The following SPOCK2 variants were observed in gnomAD, a reference collection of about 807,000 sequenced individuals.
The protein encoded by SPOCK2 is testican-2.
Under a neutral mutation model 60.1 loss-of-function variants are expected in SPOCK2, and 39 were observed. The ratio of observed to expected loss-of-function variants is 0.65; its 90% CI spans 0.50 to 0.85. The LOEUF (loss-of-function observed/expected upper bound fraction) is 0.85, where lower values mean the gene tolerates loss of function less well. Among genes scored for constraint, SPOCK2 ranks in the 40% least tolerant of loss-of-function variants. The probability of loss-of-function intolerance (pLI) is 0.00; values close to 1 mark genes in which losing one functional copy is unlikely to be tolerated. For synonymous variants in SPOCK2, 217 were observed against 231.5 expected (o/e 0.94, Z 0.57); for missense variants, 523 against 567.4 (o/e 0.92, Z 0.80).
At chr10:72,084,881 C>G (rs1164375363) in intron 1 of SPOCK2, among the ~76,000 whole-genome samples, 1 of 152,168 alleles carries the variant, frequency 6.6e-6, no homozygotes, top group Non-Finnish European at 1.5e-5. Context: ...TGTGAGTGCT[C>G]ACTGCATCAG....
chr10:72,086,375 G>A, intron 1 of SPOCK2: 1 of 1,000,738 alleles, frequency 1.0e-6, no homozygotes, highest in Non-Finnish European at 1.2e-6. Flanking sequence ...GGAAGCAGGT[G>A]GAAGAAGGGA....
Position 72,061,526 on chromosome 10 carries a change from C to G in SPOCK2, c.*1234G>C, listed in dbSNP as rs550176157. 5 of 153,004 alleles carry G rather than the reference C, an allele frequency of 3.3e-5. No individual in the cohort carries two copies. Among genetic ancestry groups the G allele is most frequent in the African/African-American group, 1.2e-4 (5 of 41,578 alleles). 9.5% of individuals were successfully genotyped at this position (153,004 alleles called of 1,614,324 possible). ...GAAAGGCTGCAGCTTTCGGCAGCTG[C>G]TTCTCTCCGGGGTCTCAGGGACAGC... is the stretch of plus-strand genomic sequence containing the variant. On this transcript the variant is annotated 3_prime_UTR_variant, in exon 11 of 11. Coordinates refer to ENST00000373109, the MANE Select transcript of SPOCK2 (RefSeq NM_001244950.2).
In SPOCK2 at chr10:72,059,733, G is replaced by C. The variant is rs1589114764; in HGVS notation, c.*3027C>G. ...CCCCCCACGTGTGGGACAACAGGGG[G>C]CAGTCAAGATGCCGCCACCCACCAC... On this transcript the variant is annotated 3_prime_UTR_variant, in exon 11 of 11. Coordinates refer to ENST00000373109, the MANE Select transcript of SPOCK2 (RefSeq NM_001244950.2). 1.3e-5 allele frequency: 2 copies of C among 152,842 alleles called. No homozygotes were observed. Among genetic ancestry groups the C allele is most frequent in the Non-Finnish European group, 2.9e-5 (2 of 68,176 alleles). The allele number at this position is 152,842 out of a possible 1,614,324, so 9.5% of individuals were successfully genotyped here.
At chr10:72,066,876 G>T (rs370690971) in intron 8 of SPOCK2, 26 bp downstream of exon 8, 45 of 1,613,260 alleles carry the variant, frequency 2.8e-5, no homozygotes, top group Non-Finnish European at 3.6e-5. Context: ...GGTGAGGCAG[G>T]GGCCTGGGAG....
At position 72,062,841 on chromosome 10, in the gene SPOCK2, C is replaced by A. The variant is rs751356229; in HGVS notation, c.1194G>T (p.Lys398Asn). 6 of 1,608,192 alleles carry A rather than the reference C, an allele frequency of 3.7e-6. No individual in the cohort carries two copies. Among genetic ancestry groups the A allele is most frequent in the Non-Finnish European group, 4.2e-6 (5 of 1,178,740 alleles). ...CCTCCTCGCCTGCTTCCTCCGTCTC[C>A]TTCTCCTCCTCATCCTCCCAGCCGA... ...SGVGWEDEEE[K>N]ETEEAGEEAE... is the part of the protein sequence containing the mutation. Residue 398 changes from lysine (K) to asparagine (N), a missense_variant, in exon 11 of 11, where the codon AAG becomes AAT. Lys to Asn is a moderately conservative substitution (Grantham distance 94). Coordinates refer to ENST00000373109, the MANE Select transcript of SPOCK2 (RefSeq NM_001244950.2). The surrounding 1 kb of genome is among the most constrained non-coding windows in gnomAD (Gnocchi z 4.3).
In SPOCK2 at chr10:72,062,959, C is replaced by T; in HGVS notation, c.1130-54G>A. 6 of 1,585,120 alleles carry T rather than the reference C, an allele frequency of 3.8e-6. No homozygotes were observed. Among genetic ancestry groups the T allele is most frequent in the Non-Finnish European group, 5.1e-6 (6 of 1,168,446 alleles). On this transcript the variant is annotated intron_variant, in intron 10 of 10. Transcript: ENST00000373109. The surrounding 1 kb of genome is among the most constrained non-coding windows in gnomAD (Gnocchi z 4.3). ...GAGGGAGCTTCTGGCACGCACCCCCCAGCATCCCACGACAAGGGCCCCCAG... is the reference window on the plus strand; with the variant it reads ...GAGGGAGCTTCTGGCACGCACCCCCTAGCATCCCACGACAAGGGCCCCCAG...
Position 72,064,988 on chromosome 10 carries a change from G to C in SPOCK2, c.929-748C>G, listed in dbSNP as rs76380343. On this transcript the variant is annotated intron_variant, in intron 8 of 10. Transcript: ENST00000373109. ...CTCATAATCTGCCCGCCTCAGCCCCGCAAAGTGCTGGGATTACAGGCATGA... is the reference window on the plus strand; with the variant it reads ...CTCATAATCTGCCCGCCTCAGCCCCCCAAAGTGCTGGGATTACAGGCATGA... Among the ~76,000 whole-genome samples the C allele has an allele frequency of 1.6e-5, 2 of 126,582 alleles. 1 individual carries two copies. Among genetic ancestry groups the C allele is most frequent in the East Asian group, 4.1e-4 (2 of 4,906 alleles). The allele number at this position is 126,582 out of a possible 152,430, so 83.0% of individuals were successfully genotyped here.
At chr10:72,063,419 G>A (rs953298017) in intron 9 of SPOCK2, among the ~76,000 whole-genome samples, 6 of 152,154 alleles carry the variant, frequency 3.9e-5, no homozygotes, top group Non-Finnish European at 7.4e-5. Context: ...GCTCCCAGCC[G>A]CCCCATCAGT....
intron 1 of SPOCK2, among the ~76,000 whole-genome samples, chr10:72,074,641 C>T (rs1799984506): frequency 1.3e-5 from 2 of 152,242 alleles, no homozygotes; most frequent in South Asian, 2.1e-4. Flanking sequence ...CAGTTTCACA[C>T]TCGAGGCTCT....
At position 72,069,842 on chromosome 10, in the gene SPOCK2, C is replaced by T. The variant is rs555551335; in HGVS notation, c.474+470G>A. Among the ~76,000 whole-genome samples, 12 of 152,330 alleles carry T rather than the reference C, an allele frequency of 7.9e-5. No homozygotes were observed. In the South Asian group the frequency reaches 8.3e-4, roughly 11 times the overall value. ...TAAGGTGCAAATTCATTCTCCCAAT[C>T]GGTTCCTTCTTCCATCACCTTCTTA... On this transcript the variant is annotated intron_variant, in intron 5 of 10. Transcript: ENST00000373109.
chr10:72,063,646 C>A (rs1381250743), intron 9 of SPOCK2, among the ~76,000 whole-genome samples: 4 of 152,254 alleles, frequency 2.6e-5, no homozygotes, highest in Admixed American at 6.5e-5. Flanking sequence ...GTGTACAGGT[C>A]ACACTGCTAG....
chr10:72,072,949 A>G lies in SPOCK2; in HGVS notation c.190-39T>C, dbSNP rs750931143. The G allele has an allele frequency of 1.7e-5, 26 of 1,552,824 alleles. No homozygotes were observed. In the South Asian group the frequency reaches 2.9e-4, roughly 17 times the overall value. On this transcript the variant is annotated intron_variant, in intron 1 of 10. Coordinates refer to ENST00000373109, the MANE Select transcript of SPOCK2 (RefSeq NM_001244950.2). ...AACAGCAGCAGGCCATGGAAAACGG[A>G]GCAGGAAGAGAAAGGGAGAAAGATG...
chr10:72,088,569 A>G (rs1589128407), upstream of SPOCK2: 1 of 483,252 alleles, frequency 2.1e-6, no homozygotes, highest in Admixed American at 3.8e-5. Context: ...CTGCGCCAGC[A>G]GGGGCTGTAA....
chr10:72,071,364 T>C (rs541186422), intron 4 of SPOCK2, among the ~76,000 whole-genome samples: 2 of 152,198 alleles, frequency 1.3e-5, no homozygotes, highest in Non-Finnish European at 2.9e-5. Context: ...TAATTTTGTA[T>C]TTTCAGTAGA....
chr10:72,064,184 T>G lies in SPOCK2; in HGVS notation c.985A>C (p.Lys329Gln). 1.2e-6 allele frequency: 2 copies of G among 1,610,412 alleles called. No homozygotes were observed. The highest frequency in any genetic ancestry group is 1.7e-6 in the Non-Finnish European group (2 of 1,179,154). ...GCCTGGTCTGGCCCCTCACCTGGCT[T>G]CTTCTTGGCGGCCTCCTGGATCTGG... ...RIQIQEAAKKKPGIFIPSCDE... is the reference protein window; with the variant it reads ...RIQIQEAAKKQPGIFIPSCDE... The change falls in exon 9 of 11, where the codon AAG becomes CAG. Residue 329 changes from lysine to glutamine, a missense_variant. Physicochemically the swap from Lys to Gln is moderately conservative, Grantham distance 53 (BLOSUM62 1). Transcript: ENST00000373109.
intron 1 of SPOCK2, among the ~76,000 whole-genome samples, chr10:72,080,608 G>A (rs2131821555): frequency 6.6e-6 from 1 of 152,250 alleles, no homozygotes; most frequent in East Asian, 1.9e-4. Flanking sequence ...GTGAGGGGGT[G>A]GGGGTGGCTG....
At chr10:72,086,583 A>G (rs1245547) in intron 1 of SPOCK2, 547,718 of 1,146,568 alleles carry the variant, frequency 0.48, 137,069 homozygotes, top group African/African-American at 0.88. Flanking sequence ...CTGCCCAGGA[A>G]GCGGCAGGAG....
At chr10:72,075,413 AG>A (rs1387740926) in intron 1 of SPOCK2, among the ~76,000 whole-genome samples, 2 of 152,090 alleles carry the variant, frequency 1.3e-5, no homozygotes, top group Non-Finnish European at 2.9e-5. Context: ...CCAGAGTGGA[AG>A]TAGGGAAGGT....
At chr10:72,086,995 G>A (rs1409551389) in intron 1 of SPOCK2, 3 of 1,551,498 alleles carry the variant, frequency 1.9e-6, no homozygotes, top group Non-Finnish European at 2.6e-6. Flanking sequence ...GAGGGAACCT[G>A]GGGAAGGAGG....
Sources: allele counts gnomAD v4.1 joint callset (sites outside exome capture counted in the v4.1 genomes callset), GRCh38; gene constraint gnomAD v4.1.1; non-coding constraint Gnocchi (gnomAD v3.1); transcripts MANE v1.5; gene names NCBI Gene and HGNC (gene_info 2026-07-23, HGNC 2026-07-21).